XRRA1: variants seen among roughly 807,000 people sequenced by gnomAD.
XRRA1 encodes the protein X-ray radiation resistance associated 1.
In XRRA1, 69 loss-of-function variants were observed where a neutral mutation model predicts 80.2. The observed-to-expected ratio is 0.86, with a 90% CI of 0.71 to 1.05. The LOEUF is 1.05. Among genes scored for constraint, XRRA1 ranks in the 50% least tolerant of loss-of-function variants. XRRA1 has a pLI of 0.00. For missense variants in XRRA1, 967 were observed against 976.4 expected, an observed-to-expected ratio of 0.99 and a Z score of 0.13; for synonymous variants, 348 against 389.9, an observed-to-expected ratio of 0.89 and a Z score of 1.27.
chr11:74,930,128 C>A (rs2139375411), intron 6 of XRRA1, among the ~76,000 whole-genome samples, 172 bp downstream of exon 6: 1 of 152,256 alleles, frequency 6.6e-6, no homozygotes, highest in Non-Finnish European at 1.5e-5. Flanking sequence ...GTAGGTAGCG[C>A]CAGAGCAGGA....
At chr11:74,880,222 A>G (rs1211766133) in intron 10 of XRRA1, among the ~76,000 whole-genome samples, 1 of 152,066 alleles carries the variant, frequency 6.6e-6, no homozygotes. Flanking sequence ...GAATTTATCC[A>G]TTTCTTCTAG....
chr11:74,869,187 G>T (rs867655859), intron 10 of XRRA1, among the ~76,000 whole-genome samples: 9 of 152,144 alleles, frequency 5.9e-5, no homozygotes, highest in African/African-American at 1.9e-4. Flanking sequence ...GAAATACTAA[G>T]AAAATTGCTC....
intron 7 of XRRA1, among the ~76,000 whole-genome samples, chr11:74,923,995 G>A (rs1565414357): frequency 2.0e-5 from 3 of 151,466 alleles, no homozygotes; most frequent in African/African-American, 7.3e-5. Flanking sequence ...CCACAGGCAC[G>A]CACCACCATG....
chr11:74,906,586 G>T, intron 9 of XRRA1, 130 bp from the exon 10 acceptor site: 2 of 1,002,034 alleles, frequency 2.0e-6, no homozygotes, highest in Non-Finnish European at 2.9e-6. Context: ...CGTTGAGCCG[G>T]TGACTTACTC....
chr11:74,875,185 G>T (rs939735640), intron 10 of XRRA1, among the ~76,000 whole-genome samples: 4 of 152,170 alleles, frequency 2.6e-5, no homozygotes, highest in Non-Finnish European at 4.4e-5. Context: ...TAGCAGTGAT[G>T]CATTGTAGGA....
chr11:74,934,856 T>C lies in XRRA1; in HGVS notation c.280-984A>G, dbSNP rs181546017. Among the ~76,000 whole-genome samples, 9 of 152,268 alleles carry C rather than the reference T, an allele frequency of 5.9e-5. No homozygotes were observed. The East Asian group carries it at 7.7e-4, about 13-fold the overall frequency. On this transcript the variant is annotated intron_variant, in intron 4 of 18. Coordinates refer to ENST00000684022, the MANE Select transcript of XRRA1 (RefSeq NM_001378157.1). ...TAAAAATTGTAATGTCGGATACACA[T>C]AGACATATCAGACAGAGTACATCAC...
At chr11:74,844,328 C>T in intron 16 of XRRA1, 45 bp from the exon 17 acceptor site, 3 of 1,432,270 alleles carry the variant, frequency 2.1e-6, no homozygotes, top group Non-Finnish European at 9.8e-7. Context: ...TCCCCCTCCT[C>T]CTCCCAGATG....
intron 12 of XRRA1, among the ~76,000 whole-genome samples, chr11:74,854,774 CT>C (rs1241160385): frequency 6.6e-6 from 1 of 152,128 alleles, no homozygotes; most frequent in Non-Finnish European, 1.5e-5. Flanking sequence ...AATCCCAACA[CT>C]TTGGGAGGCC....
Position 74,851,139 on chromosome 11 carries a change from C to T in XRRA1, c.1329G>A (p.Lys443=). ...AAACATGATGCTTAGGCTTTACTAT[C>T]TTCCTTCGAATTAAGTGGATTCCCA... ...ERLGIHLIRR[K]IVKPKHHVLM... The change falls in exon 14 of 19, where the codon AAG becomes AAA. Residue 443 remains lysine (K), a synonymous_variant. Coordinates refer to ENST00000684022, the MANE Select transcript of XRRA1 (RefSeq NM_001378157.1). 1.9e-6 allele frequency: 3 copies of T among 1,613,174 alleles called. No individual in the cohort carries two copies. Among genetic ancestry groups the T allele is most frequent in the Non-Finnish European group, 2.5e-6 (3 of 1,179,402 alleles).
chr11:74,947,252 G>A (rs1231216514), intron 1 of XRRA1, among the ~76,000 whole-genome samples: 1 of 152,160 alleles, frequency 6.6e-6, no homozygotes, highest in East Asian at 1.9e-4. Context: ...TTGGCCTGGT[G>A]TGGTGGTTCA....
intron 8 of XRRA1, among the ~76,000 whole-genome samples, chr11:74,916,898 C>A (rs1938899586): frequency 6.6e-6 from 1 of 152,146 alleles, no homozygotes; most frequent in Non-Finnish European, 1.5e-5. Flanking sequence ...CAGGTCTTTT[C>A]TAAGCCTGTG....
rs34040155 is a variant in XRRA1 at position 74,917,976 on chromosome 11, T to TAAA, written c.656+3235_656+3237dup. Among the ~76,000 whole-genome samples, 28 of 149,390 alleles carry TAAA rather than the reference T, an allele frequency of 1.9e-4. 1 individual carries two copies. The highest frequency in any genetic ancestry group is 1.4e-3 in the East Asian group (7 of 5,114). ...TATAATTGCTGTTATACCTTGAGGT[T>TAAA]AAAAAAAAAAAAGTATCTCTGGGAC... On this transcript the variant is annotated intron_variant, in intron 8 of 18. Coordinates refer to ENST00000684022, the MANE Select transcript of XRRA1 (RefSeq NM_001378157.1).
chr11:74,873,356 C>A (rs2045314207), intron 10 of XRRA1, among the ~76,000 whole-genome samples: 2 of 152,208 alleles, frequency 1.3e-5, no homozygotes. Context: ...ATAGTTCCAA[C>A]TCATCCAGTG....
intron 8 of XRRA1, among the ~76,000 whole-genome samples, chr11:74,916,686 G>T (rs1938820354): frequency 6.6e-6 from 1 of 151,828 alleles, no homozygotes; most frequent in Admixed American, 6.6e-5. Flanking sequence ...TTTTCCTTTG[G>T]ATGGGCCATA....
At chr11:74,912,770 A>C (rs577383263) in intron 8 of XRRA1, among the ~76,000 whole-genome samples, 5 of 152,302 alleles carry the variant, frequency 3.3e-5, no homozygotes, top group African/African-American at 1.2e-4. Flanking sequence ...AAAACTAATT[A>C]AGCTTAAATA....
chr11:74,888,110 G>A (rs2049540348), intron 10 of XRRA1, among the ~76,000 whole-genome samples: 1 of 152,196 alleles, frequency 6.6e-6, no homozygotes, highest in Non-Finnish European at 1.5e-5. Flanking sequence ...ATCTGAGAAT[G>A]GACAGACTGC....
chr11:74,883,933 T>C (rs775692907), intron 10 of XRRA1, among the ~76,000 whole-genome samples: 1 of 152,160 alleles, frequency 6.6e-6, no homozygotes, highest in Non-Finnish European at 1.5e-5. Flanking sequence ...CACGGTAGCT[T>C]ATGCCTGTAA....
At chr11:74,894,488 TAGGAGGCCTC>T (rs1379722675) in intron 10 of XRRA1, among the ~76,000 whole-genome samples, 1 of 152,168 alleles carries the variant, frequency 6.6e-6, no homozygotes, top group Non-Finnish European at 1.5e-5. Flanking sequence ...CTGTATGGCT[TAGGAGGCCTC>T]AGGAAACTTA....
intron 10 of XRRA1, among the ~76,000 whole-genome samples, chr11:74,892,638 A>C (rs1474078727): frequency 1.3e-5 from 2 of 152,174 alleles, no homozygotes; most frequent in African/African-American, 4.8e-5. Flanking sequence ...ATGGGAGAAC[A>C]TTTTTGCAAT....
Sources: allele counts gnomAD v4.1 joint callset (sites outside exome capture counted in the v4.1 genomes callset), GRCh38; gene constraint gnomAD v4.1.1; transcripts MANE v1.5; gene names NCBI Gene and HGNC (gene_info 2026-07-23, HGNC 2026-07-21).